Variants in CHL1 observed in about 807,000 individuals in gnomAD.
CHL1 encodes neural cell adhesion molecule L1-like protein.
CHL1 carries 96 observed loss-of-function variants against 141.9 expected under a neutral mutation model. The ratio of observed to expected loss-of-function variants is 0.68; its 90% CI spans 0.57 to 0.80. The LOEUF (loss-of-function observed/expected upper bound fraction) is 0.80, where lower values mean the gene tolerates loss of function less well. Ranked by LOEUF, CHL1 falls within the 30% of genes least tolerant of loss-of-function variation. The probability of loss-of-function intolerance (pLI) is 0.00; values close to 1 mark genes in which losing one functional copy is unlikely to be tolerated. For missense variants in CHL1, 1,820 were observed against 1,457.2 expected, an observed-to-expected ratio of 1.25 and a Z score of -4.05; for synonymous variants, 613 against 502.2, an observed-to-expected ratio of 1.22 and a Z score of -2.95.
intron 14 of CHL1, among the ~76,000 whole-genome samples, chr3:364,613 C>T (rs1433696154): frequency 2.6e-5 from 4 of 151,914 alleles, no homozygotes; most frequent in Non-Finnish European, 5.9e-5. Flanking sequence ...ATATACGAAT[C>T]GTATCAATGG....
chr3:269,282 A>C (rs930480897), intron 2 of CHL1, among the ~76,000 whole-genome samples: 17 of 152,202 alleles, frequency 1.1e-4, no homozygotes, highest in African/African-American at 3.9e-4. Flanking sequence ...ATCTCAAGTC[A>C]AGTGAAGGGC....
intron 2 of CHL1, among the ~76,000 whole-genome samples, chr3:296,541 C>G (rs331889): frequency 1.3e-5 from 2 of 152,118 alleles, no homozygotes; most frequent in East Asian, 3.9e-4. Flanking sequence ...TTCATAGTTT[C>G]ATGACCACAG....
intron 18 of CHL1, among the ~76,000 whole-genome samples, chr3:383,147 T>A (rs1212209375): frequency 6.6e-6 from 1 of 152,212 alleles, no homozygotes; most frequent in Non-Finnish European, 1.5e-5. Flanking sequence ...CATGATATTT[T>A]ATTTTTCCTT....
In CHL1 at chr3:408,210, C is replaced by T. The variant is rs961162198; in HGVS notation, c.*2499C>T. ...GATGCTTGTTTGCAAATTGCCCACTCGTGATAAGTCAACAGCCAATATTTA... is the reference window on the plus strand; with the variant it reads ...GATGCTTGTTTGCAAATTGCCCACTTGTGATAAGTCAACAGCCAATATTTA... On this transcript the variant is annotated 3_prime_UTR_variant, in exon 28 of 28. Coordinates refer to ENST00000256509, the MANE Select transcript of CHL1 (RefSeq NM_006614.4). 2.6e-5 allele frequency: 4 copies of T among 152,060 alleles called. No individual in the cohort carries two copies. The highest frequency in any genetic ancestry group is 5.9e-5 in the Non-Finnish European group (4 of 68,002). 9.4% of individuals were successfully genotyped at this position (152,060 alleles called of 1,614,324 possible).
At chr3:335,538 A>G (rs1237939215) in intron 5 of CHL1, among the ~76,000 whole-genome samples, 5 of 152,228 alleles carry the variant, frequency 3.3e-5, no homozygotes, top group Non-Finnish European at 4.4e-5. Context: ...ATGATGGCAG[A>G]CTGTGAGCAA....
chr3:325,906 A>G, intron 3 of CHL1, 53 bp from the exon 4 acceptor site: 1 of 1,240,202 alleles, frequency 8.1e-7, no homozygotes, highest in Non-Finnish European at 1.2e-6. Flanking sequence ...CTATAGATTA[A>G]CCTTGCCTGC....
At chr3:209,387 G>A (rs1463809840) in intron 1 of CHL1, among the ~76,000 whole-genome samples, 1 of 152,080 alleles carries the variant, frequency 6.6e-6, no homozygotes, top group East Asian at 1.9e-4. Context: ...AGACAACTCA[G>A]AAATGACTAT....
intron 9 of CHL1, among the ~76,000 whole-genome samples, chr3:348,752 G>C (rs997982793): frequency 2.6e-5 from 4 of 152,184 alleles, no homozygotes; most frequent in African/African-American, 9.7e-5. Context: ...TCTGCTTCCC[G>C]ACAAGGGCGA....
At chr3:223,341 C>A (rs1360280639) in intron 1 of CHL1, among the ~76,000 whole-genome samples, 3 of 152,106 alleles carry the variant, frequency 2.0e-5, no homozygotes, top group Non-Finnish European at 4.4e-5. Context: ...AGATAAACAT[C>A]CTCTAAATAT....
At chr3:368,751 A>G (rs889780666) in intron 15 of CHL1, among the ~76,000 whole-genome samples, 1 of 152,122 alleles carries the variant, frequency 6.6e-6, no homozygotes, top group African/African-American at 2.4e-5. Flanking sequence ...TCTTTAATTC[A>G]TCTTGAATTA....
rs534771067 is a variant in CHL1, at chr3:406,243, T to C, written c.*532T>C. The C allele has an allele frequency of 6.6e-6, 1 of 152,522 alleles. No individual in the cohort carries two copies. Among genetic ancestry groups the C allele is most frequent in the South Asian group, 2.1e-4 (1 of 4,838 alleles). The allele number at this position is 152,522 out of a possible 1,614,324, so 9.4% of individuals were successfully genotyped here. A position where few individuals can be genotyped will look rare whatever the true frequency, so the allele number is the denominator to read the frequency against. ...TCTAAATTTATTATTTAAATTTTAC[T>C]AGCAAAAGTCTTAGGTGAACAATCA... On this transcript the variant is annotated 3_prime_UTR_variant, in exon 28 of 28. Coordinates refer to ENST00000256509, the MANE Select transcript of CHL1 (RefSeq NM_006614.4).
At chr3:263,610 A>G (rs907738758) in intron 2 of CHL1, among the ~76,000 whole-genome samples, 1 of 152,232 alleles carries the variant, frequency 6.6e-6, no homozygotes, top group African/African-American at 2.4e-5. Flanking sequence ...GTATCTCTGT[A>G]TCTGCGTCTG....
intron 8 of CHL1, among the ~76,000 whole-genome samples, chr3:344,298 A>G (rs1010432144): frequency 3.3e-5 from 5 of 152,220 alleles, no homozygotes; most frequent in Non-Finnish European, 5.9e-5. Flanking sequence ...TAGATTTTCA[A>G]TTAAGGACTT....
chr3:275,629 GACATGTAGGGTCC>G (rs1696026967), intron 2 of CHL1, among the ~76,000 whole-genome samples: 1 of 152,184 alleles, frequency 6.6e-6, no homozygotes, highest in Non-Finnish European at 1.5e-5. Context: ...GGGAAGAGTA[GACATGTAGGGTCC>G]ACATGTTTGG....
chr3:373,106 T>C (rs1191163569), intron 15 of CHL1, among the ~76,000 whole-genome samples: 1 of 152,176 alleles, frequency 6.6e-6, no homozygotes, highest in Non-Finnish European at 1.5e-5. Context: ...ATAGGACCCA[T>C]CTAATAAAGC....
chr3:287,061 TC>T (rs1167590038), intron 2 of CHL1, among the ~76,000 whole-genome samples: 2 of 152,130 alleles, frequency 1.3e-5, no homozygotes, highest in African/African-American at 2.4e-5. Flanking sequence ...AGAATACCCA[TC>T]CTTCTGGGAA....
At chr3:197,664 C>A (rs4685394) in intron 1 of CHL1, 2 of 369,582 alleles carry the variant, frequency 5.4e-6, no homozygotes, top group East Asian at 1.5e-4. Context: ...CAGCCTGGAG[C>A]GGGGAATCCA....
At chr3:364,309 C>T (rs1023181452) in intron 14 of CHL1, among the ~76,000 whole-genome samples, 1 of 152,162 alleles carries the variant, frequency 6.6e-6, no homozygotes, top group Non-Finnish European at 1.5e-5. Flanking sequence ...ATCTACTTAT[C>T]TCTGATGTCT....
chr3:267,528 T>G (rs900656041), intron 2 of CHL1, among the ~76,000 whole-genome samples: 1 of 152,208 alleles, frequency 6.6e-6, no homozygotes. Flanking sequence ...GGATTTTTGA[T>G]TTTATGTTAT....
Sources: gnomAD v4.1 joint callset for allele counts (sites outside exome capture counted in the v4.1 genomes callset) on GRCh38, gnomAD v4.1.1 for gene constraint, MANE v1.5 for transcripts, NCBI Gene and HGNC (gene_info 2026-07-23, HGNC 2026-07-21) for gene names.